ZNF423: variants seen among roughly 807,000 people sequenced by gnomAD.
ZNF423 encodes the protein Ebf-associated zinc finger protein.
A neutral mutation model predicts 95.8 loss-of-function variants in ZNF423; 12 were observed. The observed-to-expected ratio is 0.13, with a 90% confidence interval of 0.08 to 0.20. The LOEUF (loss-of-function observed/expected upper bound fraction) is 0.20. Among genes scored for constraint, ZNF423 ranks in the 10% least tolerant of loss-of-function variants. ZNF423 has a pLI of 1.00. For synonymous variants in ZNF423, 749 were observed against 711.9 expected (o/e 1.05, Z -0.83); for missense variants, 1,316 against 1,737.1 (o/e 0.76, Z 4.31).
rs1292747676 is a variant in ZNF423, at chr16:49,636,755, G to A, written c.2421C>T (p.His807=). The A allele has an allele frequency of 5.6e-6, 9 of 1,614,090 alleles. No individual in the cohort carries two copies. The highest frequency in any genetic ancestry group is 7.6e-6 in the Non-Finnish European group (9 of 1,179,992). ...TATACTTCTTGCTGTGTGTGGTGATGTGGCACTGCAGCTCCACCTCGGTGC... is the reference window on the plus strand; with the variant it reads ...TATACTTCTTGCTGTGTGTGGTGATATGGCACTGCAGCTCCACCTCGGTGC... ...TFSTEVELQC[H]ITTHSKKYNC... Residue 807 remains histidine, a synonymous_variant, in exon 4 of 8, where the codon CAC becomes CAT. Transcript: ENST00000563137. This position sits in a 1 kb window ranked among gnomAD's most constrained non-coding sequence, Gnocchi z 8.6.
At chr16:49,563,234 C>T (rs1970076215) in intron 5 of ZNF423, among the ~76,000 whole-genome samples, 1 of 152,130 alleles carries the variant, frequency 6.6e-6, no homozygotes, top group African/African-American at 2.4e-5. Context: ...TGAGTGAGTT[C>T]TTGTTCTGTT....
intron 5 of ZNF423, among the ~76,000 whole-genome samples, chr16:49,536,351 C>T (rs1263213977): frequency 1.3e-5 from 2 of 149,688 alleles, no homozygotes; most frequent in East Asian, 3.9e-4. Flanking sequence ...TGACTGACTT[C>T]TATTGAAAAG....
intron 7 of ZNF423, among the ~76,000 whole-genome samples, chr16:49,514,208 A>G (rs117162965): frequency 9.2e-5 from 5 of 54,256 alleles, no homozygotes; most frequent in African/African-American, 4.0e-4. Flanking sequence ...ACACACACAC[A>G]CACATGCACA....
chr16:49,523,558 C>A, intron 7 of ZNF423, 66 bp downstream of exon 7: 1 of 1,401,274 alleles, frequency 7.1e-7, no homozygotes, highest in South Asian at 1.2e-5. Flanking sequence ...AACCCTGAGA[C>A]CGTCGGTGCT....
At chr16:49,606,595 G>A (rs1410733417) in intron 5 of ZNF423, among the ~76,000 whole-genome samples, 1 of 152,182 alleles carries the variant, frequency 6.6e-6, no homozygotes, top group East Asian at 1.9e-4. Context: ...AGAACCTGTG[G>A]ATAGGGGTCT....
intron 5 of ZNF423, among the ~76,000 whole-genome samples, chr16:49,595,726 A>G (rs1971159751): frequency 6.6e-6 from 1 of 152,220 alleles, no homozygotes; most frequent in Admixed American, 6.5e-5. Flanking sequence ...GAAAATAAAA[A>G]TATCAATTGT....
chr16:49,750,583 G>A (rs2033616032), intron 2 of ZNF423, among the ~76,000 whole-genome samples: 1 of 152,190 alleles, frequency 6.6e-6, no homozygotes, highest in African/African-American at 2.4e-5. Context: ...AAGGCCATCT[G>A]TGCACTCACA....
chr16:49,513,652 T>TGGATGGAC (rs1967993463), intron 7 of ZNF423, among the ~76,000 whole-genome samples: 1 of 126,796 alleles, frequency 7.9e-6, no homozygotes, highest in Non-Finnish European at 1.7e-5. Context: ...GATGGATGGA[T>TGGATGGAC]GGATGGATGG....
intron 5 of ZNF423, among the ~76,000 whole-genome samples, chr16:49,580,333 T>A (rs1457143245): frequency 6.6e-6 from 1 of 152,146 alleles, no homozygotes; most frequent in East Asian, 1.9e-4. Context: ...ATTTTCCCTA[T>A]CCCTGCACCA....
intron 3 of ZNF423, among the ~76,000 whole-genome samples, chr16:49,686,867 C>A (rs994182664): frequency 6.6e-6 from 1 of 152,182 alleles, no homozygotes; most frequent in East Asian, 1.9e-4. Flanking sequence ...AGGCAGAACC[C>A]CCATCATCAT....
chr16:49,788,473 A>G (rs1238223605), intron 2 of ZNF423, among the ~76,000 whole-genome samples: 1 of 152,240 alleles, frequency 6.6e-6, no homozygotes, highest in Non-Finnish European at 1.5e-5. Flanking sequence ...TAGACACATA[A>G]CCATGAAAAC....
rs183232829 is a variant in ZNF423 at position 49,790,181 on chromosome 16, T to C, written c.41-635A>G. Among the ~76,000 whole-genome samples the C allele has an allele frequency of 7.2e-5, 11 of 152,364 alleles. No homozygotes were observed. In the East Asian group the frequency reaches 2.1e-3, roughly 29 times the overall value. ...CTGGAATTAATCCCAGTCTGGGGCA[T>C]GTAATAATATTAAAGCTGGGTTATG... On this transcript the variant is annotated intron_variant, in intron 1 of 7. Coordinates refer to ENST00000563137, the MANE Select transcript of ZNF423 (RefSeq NM_001379286.1).
chr16:49,763,228 T>TTTG (rs1027159520), intron 2 of ZNF423, among the ~76,000 whole-genome samples: 3 of 152,108 alleles, frequency 2.0e-5, no homozygotes, highest in African/African-American at 4.8e-5. Context: ...AGCAGGTATT[T>TTTG]TTGTTGTTGT....
intron 7 of ZNF423, chr16:49,518,357 A>G (rs575821119): frequency 7.5e-5 from 32 of 424,908 alleles, no homozygotes; most frequent in South Asian, 5.5e-4. Flanking sequence ...TCCACAAAGA[A>G]TATCATAAAA....
intron 5 of ZNF423, among the ~76,000 whole-genome samples, chr16:49,565,473 C>T (rs925496874): frequency 6.6e-6 from 1 of 152,202 alleles, no homozygotes; most frequent in Admixed American, 6.5e-5. Flanking sequence ...TAGGGCTCTG[C>T]CCAGGACTCC....
Position 49,635,638 on chromosome 16 carries a change from G to A in ZNF423, c.3516+22C>T. The A allele has an allele frequency of 2.0e-6, 3 of 1,532,096 alleles. No homozygotes were observed. Among genetic ancestry groups the A allele is most frequent in the Non-Finnish European group, 2.6e-6 (3 of 1,142,326 alleles). 94.9% of individuals were successfully genotyped at this position (1,532,096 alleles called of 1,614,324 possible). On this transcript the variant is annotated intron_variant, in intron 4 of 7. Transcript: ENST00000563137. The surrounding 1 kb of genome is among the most constrained non-coding windows in gnomAD (Gnocchi z 4.8). ...GCCCCAAGGAGAGGAGCAGGGAGCA[G>A]GATGAGGTGGACTGCACTTACCCGG...
chr16:49,705,068 G>A (rs769096610), intron 3 of ZNF423, among the ~76,000 whole-genome samples: 2 of 152,202 alleles, frequency 1.3e-5, no homozygotes, highest in East Asian at 1.9e-4. Context: ...ATGACAGCAC[G>A]GTGGGCTGTC....
intron 5 of ZNF423, among the ~76,000 whole-genome samples, chr16:49,576,756 AT>A (rs1970512919): frequency 1.3e-5 from 2 of 152,100 alleles, no homozygotes; most frequent in Non-Finnish European, 2.9e-5. Flanking sequence ...TCTGAGCTGA[AT>A]TTTTTCCATT....
chr16:49,663,439 T>G (rs2030354780), intron 3 of ZNF423, among the ~76,000 whole-genome samples: 1 of 151,898 alleles, frequency 6.6e-6, no homozygotes, highest in Non-Finnish European at 1.5e-5. Context: ...AATCATAGTC[T>G]GGCATTCAGT....
Sources: gnomAD v4.1 joint callset for allele counts (sites outside exome capture counted in the v4.1 genomes callset) on GRCh38, gnomAD v4.1.1 for gene constraint, Gnocchi (gnomAD v3.1) non-coding constraint, MANE v1.5 for transcripts, NCBI Gene and HGNC (gene_info 2026-07-23, HGNC 2026-07-21) for gene names.